Variants in TENM3 observed in about 807,000 individuals in gnomAD.
TENM3 encodes the protein teneurin transmembrane protein 3.
TENM3 carries 63 observed loss-of-function variants against 255.1 expected under a neutral mutation model. That is an observed-to-expected ratio of 0.25 (90% CI 0.20 to 0.30). TENM3 has a LOEUF of 0.30. TENM3 is among the 10% of genes least tolerant of loss of function. The pLI, the probability that TENM3 is intolerant of heterozygous loss-of-function variation, is 1.00. For synonymous variants in TENM3, 1,306 were observed against 1,322.3 expected (o/e 0.99, Z 0.27); for missense variants, 2,929 against 3,461.1 (o/e 0.85, Z 3.86).
the TENM3 span, among the ~76,000 whole-genome samples, chr4:181,894,359 G>A: frequency 3.9e-5 from 6 of 152,136 alleles, no homozygotes; most frequent in East Asian, 1.9e-4. Context: ...AGCTTGTGCC[G>A]TGGAGACCTA....
chr4:182,451,249 G>A (rs1171802019), intron 3 of TENM3, among the ~76,000 whole-genome samples: 1 of 152,066 alleles, frequency 6.6e-6, no homozygotes, highest in Non-Finnish European at 1.5e-5. Context: ...ACGTTTCTTA[G>A]ATAGCAGTGG....
chr4:181,519,981 A>G, the TENM3 span, among the ~76,000 whole-genome samples: 11 of 152,182 alleles, frequency 7.2e-5, no homozygotes, highest in Admixed American at 7.2e-4. Context: ...TTTCTTTCTT[A>G]TTTCCCAATA....
intron 1 of TENM3, among the ~76,000 whole-genome samples, chr4:182,301,214 T>G (rs1761834376): frequency 6.6e-6 from 1 of 152,214 alleles, no homozygotes; most frequent in Non-Finnish European, 1.5e-5. Context: ...GTCAAACATA[T>G]GCCAACCAAA....
At chr4:181,850,019 T>G in the TENM3 span, among the ~76,000 whole-genome samples, 1 of 146,626 alleles carries the variant, frequency 6.8e-6, no homozygotes, top group Non-Finnish European at 1.5e-5. Flanking sequence ...CCTTGAATAT[T>G]CCTTGTCAAA....
At chr4:182,046,201 T>A in the TENM3 span, among the ~76,000 whole-genome samples, 1 of 152,334 alleles carries the variant, frequency 6.6e-6, no homozygotes, top group South Asian at 2.1e-4. Context: ...CCATTTTAAA[T>A]CATGAAGATA....
the TENM3 span, among the ~76,000 whole-genome samples, chr4:181,530,897 T>G: frequency 3.9e-5 from 6 of 152,134 alleles, no homozygotes; most frequent in African/African-American, 9.7e-5. Context: ...CATAAGGCCT[T>G]TGGAAGCTGA....
At chr4:181,827,524 T>C in the TENM3 span, among the ~76,000 whole-genome samples, 19,074 of 152,202 alleles carry the variant, frequency 0.13, 1,712 homozygotes, top group East Asian at 0.53. Flanking sequence ...ACTTAGCACA[T>C]GCAACAAATT....
the TENM3 span, among the ~76,000 whole-genome samples, chr4:181,840,232 T>C: frequency 6.6e-6 from 1 of 152,116 alleles, no homozygotes; most frequent in Non-Finnish European, 1.5e-5. Context: ...ATATTGAAAG[T>C]TCTTCCCTTG....
At chr4:181,617,533 C>T in the TENM3 span, among the ~76,000 whole-genome samples, 62 of 152,188 alleles carry the variant, frequency 4.1e-4, 1 homozygote, top group Admixed American at 2.6e-4. Context: ...TGGGAAAGTC[C>T]GGTGCCTACA....
At chr4:181,499,710 G>C in the TENM3 span, among the ~76,000 whole-genome samples, 2 of 151,998 alleles carry the variant, frequency 1.3e-5, no homozygotes, top group Admixed American at 1.3e-4. Context: ...GTGGGGTAAA[G>C]GGATGTGCCT....
intron 3 of TENM3, among the ~76,000 whole-genome samples, chr4:182,562,471 A>G (rs1743299640): frequency 6.6e-6 from 1 of 152,056 alleles, no homozygotes; most frequent in African/African-American, 2.4e-5. Flanking sequence ...ATGTGTCCAC[A>G]CTCATCACAA....
At chr4:182,342,652 T>G (rs542108623) in intron 2 of TENM3, among the ~76,000 whole-genome samples, 2 of 152,184 alleles carry the variant, frequency 1.3e-5, no homozygotes, top group Non-Finnish European at 2.9e-5. Context: ...TAAAACTGTT[T>G]GTTTTTTTAA....
the TENM3 span, among the ~76,000 whole-genome samples, chr4:181,610,657 A>T: frequency 6.6e-6 from 1 of 152,104 alleles, no homozygotes; most frequent in East Asian, 1.9e-4. Context: ...AAATTACCTC[A>T]TAAATAACTT....
At chr4:182,496,671 T>C (rs1281394578) in intron 3 of TENM3, among the ~76,000 whole-genome samples, 2 of 152,204 alleles carry the variant, frequency 1.3e-5, no homozygotes, top group Non-Finnish European at 2.9e-5. Context: ...ATCTCTTATC[T>C]GTTCACAGTG....
the TENM3 span, among the ~76,000 whole-genome samples, chr4:181,560,140 T>A: frequency 6.6e-6 from 1 of 152,194 alleles, no homozygotes; most frequent in Admixed American, 6.5e-5. Context: ...AGTTCAAGGT[T>A]TAGGCACTAG....
intron 3 of TENM3, among the ~76,000 whole-genome samples, chr4:182,525,281 A>G (rs915735207): frequency 4.6e-5 from 7 of 152,224 alleles, no homozygotes; most frequent in Admixed American, 1.3e-4. Context: ...TATGATCTTA[A>G]AAATTAAAAA....
At chr4:181,806,798 G>A in the TENM3 span, among the ~76,000 whole-genome samples, 9 of 152,198 alleles carry the variant, frequency 5.9e-5, no homozygotes, top group Admixed American at 2.0e-4. Context: ...AAGATACCAC[G>A]TAATAGGAGA....
upstream of TENM3, among the ~76,000 whole-genome samples, chr4:182,240,829 G>T (rs1579853998): frequency 6.6e-6 from 1 of 152,294 alleles, no homozygotes; most frequent in Non-Finnish European, 1.5e-5. Context: ...TGTTTTGCCT[G>T]TTTGTCATAG....
At chr4:182,568,920 A>G (rs765771418) in intron 3 of TENM3, among the ~76,000 whole-genome samples, 20 of 152,242 alleles carry the variant, frequency 1.3e-4, no homozygotes, top group Non-Finnish European at 2.2e-4. Context: ...GAATACATAA[A>G]ATCCAAGAAC....
Sources: gnomAD v4.1 joint callset for allele counts (sites outside exome capture counted in the v4.1 genomes callset) on GRCh38, gnomAD v4.1.1 for gene constraint, MANE v1.5 for transcripts, NCBI Gene and HGNC (gene_info 2026-07-23, HGNC 2026-07-21) for gene names.